Variants in CCDC178 observed in about 807,000 individuals in gnomAD.
The protein encoded by CCDC178 is coiled-coil domain containing 178.
Under a neutral mutation model 117.4 loss-of-function variants are expected in CCDC178, and 126 were observed. The ratio of observed to expected loss-of-function variants is 1.07; its 90% CI spans 0.93 to 1.24. CCDC178 has a LOEUF of 1.24. CCDC178 is among the 50% of genes most tolerant of loss of function. The pLI is 0.00. For missense variants in CCDC178, 1,030 were observed against 986.9 expected (o/e 1.04, Z -0.59); for synonymous variants, 283 against 313.4 (o/e 0.90, Z 1.02).
rs1344160597 is a variant in CCDC178 at position 33,329,873 on chromosome 18, T to TAG, written c.879+3299_879+3300dup. On this transcript the variant is annotated intron_variant, in intron 10 of 22. Transcript: ENST00000383096. The stretch of plus-strand genomic sequence containing the variant: ...AAGAGTTTGAGAGTTGGAGAATTAT[T>TAG]AGAGTGTGTGTGTGTGTGTGTGTGT... Among the ~76,000 whole-genome samples, 7 of 84,506 alleles carry TAG rather than the reference T, an allele frequency of 8.3e-5. No homozygotes were observed. The Admixed American group carries it at 8.7e-4, about 11-fold the overall frequency. The allele number at this position is 84,506 out of a possible 152,430, so 55.4% of individuals were successfully genotyped here. A position where few individuals can be genotyped will look rare whatever the true frequency, so the allele number is the denominator to read the frequency against.
At chr18:33,102,193 C>T (rs539246841) in intron 20 of CCDC178, among the ~76,000 whole-genome samples, 2 of 151,748 alleles carry the variant, frequency 1.3e-5, no homozygotes, top group Admixed American at 6.6e-5. Context: ...ATAGGGGCAA[C>T]GGAAGTCAAT....
At chr18:33,258,840 A>G (rs1220687153) in intron 14 of CCDC178, among the ~76,000 whole-genome samples, 1 of 152,200 alleles carries the variant, frequency 6.6e-6, no homozygotes, top group Non-Finnish European at 1.5e-5. Flanking sequence ...ATAAAGATAT[A>G]TGAAGCTATT....
At chr18:32,984,572 G>A (rs1360232278) in intron 21 of CCDC178, among the ~76,000 whole-genome samples, 1 of 149,182 alleles carries the variant, frequency 6.7e-6, no homozygotes, top group East Asian at 1.9e-4. Context: ...TTTTGCTTAA[G>A]TTGCTAAAAT....
At chr18:33,052,797 T>G (rs746071738) in intron 21 of CCDC178, among the ~76,000 whole-genome samples, 3 of 152,062 alleles carry the variant, frequency 2.0e-5, no homozygotes, top group Non-Finnish European at 2.9e-5. Flanking sequence ...TTTAAAAAAA[T>G]TTTTTTTAAC....
intron 20 of CCDC178, among the ~76,000 whole-genome samples, chr18:33,157,877 G>T (rs572093342): frequency 2.6e-4 from 40 of 152,212 alleles, no homozygotes; most frequent in African/African-American, 9.4e-4. Context: ...GCTAACACTT[G>T]TCATGCATCT....
intron 15 of CCDC178, among the ~76,000 whole-genome samples, chr18:33,233,165 T>A (rs2059387157): frequency 6.6e-6 from 1 of 152,266 alleles, no homozygotes; most frequent in South Asian, 2.1e-4. Flanking sequence ...TGCATCTCTG[T>A]TGGCTTTGTT....
intron 20 of CCDC178, among the ~76,000 whole-genome samples, chr18:33,097,860 T>C (rs1328887419): frequency 2.0e-5 from 3 of 152,112 alleles, no homozygotes; most frequent in East Asian, 1.9e-4. Flanking sequence ...TAATTATACA[T>C]AAATATGGGC....
chr18:33,324,985 G>T (rs2062565156), intron 10 of CCDC178, among the ~76,000 whole-genome samples: 1 of 151,292 alleles, frequency 6.6e-6, no homozygotes, highest in South Asian at 2.1e-4. Flanking sequence ...TCTTCTATTT[G>T]GTGTTTTAAT....
At chr18:33,147,185 A>G (rs532838809) in intron 20 of CCDC178, among the ~76,000 whole-genome samples, 1 of 86,834 alleles carries the variant, frequency 1.2e-5, no homozygotes, top group Non-Finnish European at 2.2e-5. Context: ...TTTATTTCTT[A>G]CAGTTCTGGA....
intron 19 of CCDC178, among the ~76,000 whole-genome samples, chr18:33,214,767 T>C (rs930544721): frequency 3.9e-5 from 6 of 152,010 alleles, no homozygotes; most frequent in African/African-American, 1.4e-4. Context: ...GATGGGGGCA[T>C]TGACTTGACT....
At position 33,325,428 on chromosome 18, in the gene CCDC178, G is replaced by A. The variant is rs2062571327; in HGVS notation, c.880-1795C>T. Among the ~76,000 whole-genome samples, 6 of 151,922 alleles carry A rather than the reference G, an allele frequency of 3.9e-5. No homozygotes were observed. The South Asian group carries it at 8.3e-4, about 21-fold the overall frequency. On this transcript the variant is annotated intron_variant, in intron 10 of 22. Coordinates refer to ENST00000383096, the MANE Select transcript of CCDC178 (RefSeq NM_001105528.4). ...AAGAATTCTTTGGCAAATAATTTAA[G>A]TAATTTTTCAAATATGTATTTATTG... is the stretch of plus-strand genomic sequence containing the variant.
chr18:33,169,132 G>T (rs1854671710), intron 20 of CCDC178, among the ~76,000 whole-genome samples: 1 of 152,156 alleles, frequency 6.6e-6, no homozygotes, highest in African/African-American at 2.4e-5. Flanking sequence ...GTAAGTTACG[G>T]AAATTTGCAA....
chr18:33,156,896 C>T (rs1293208270), intron 20 of CCDC178, among the ~76,000 whole-genome samples: 1 of 152,134 alleles, frequency 6.6e-6, no homozygotes, highest in Non-Finnish European at 1.5e-5. Context: ...AAAAATTAGC[C>T]TTGGCTCATA....
chr18:33,018,239 A>G (rs2056035711), intron 21 of CCDC178, among the ~76,000 whole-genome samples: 1 of 152,092 alleles, frequency 6.6e-6, no homozygotes, highest in Non-Finnish European at 1.5e-5. Flanking sequence ...ACCACTTCAT[A>G]CTCACTGGAA....
intron 15 of CCDC178, among the ~76,000 whole-genome samples, chr18:33,229,301 GCTAC>G (rs560044733): frequency 9.6e-4 from 146 of 152,266 alleles, no homozygotes; most frequent in African/African-American, 3.3e-3. Context: ...TTAAATGTGA[GCTAC>G]CCCAGGAACA....
At chr18:33,100,100 A>T (rs560167949) in intron 20 of CCDC178, among the ~76,000 whole-genome samples, 1 of 152,030 alleles carries the variant, frequency 6.6e-6, no homozygotes, top group East Asian at 2.0e-4. Flanking sequence ...AGCCTGTGAC[A>T]CGCAGCTGAC....
At chr18:33,399,190 AC>A (rs1265217325) in intron 3 of CCDC178, among the ~76,000 whole-genome samples, 2 of 150,850 alleles carry the variant, frequency 1.3e-5, no homozygotes, top group African/African-American at 5.0e-5. Context: ...ACAGAGCAAG[AC>A]TGTCTTAAAA....
chr18:33,333,419 A>C, intron 9 of CCDC178, 25 bp from the exon 10 acceptor site: 1 of 1,196,286 alleles, frequency 8.4e-7, no homozygotes, highest in Non-Finnish European at 1.2e-6. Context: ...ATAAGAACAA[A>C]AGAAAATCTG....
At chr18:33,264,574 C>A (rs1013892999) in intron 14 of CCDC178, among the ~76,000 whole-genome samples, 1 of 152,018 alleles carries the variant, frequency 6.6e-6, no homozygotes, top group Non-Finnish European at 1.5e-5. Flanking sequence ...TCTCAGGGTG[C>A]TTTCTGGGTA....
Sources: allele counts gnomAD v4.1 joint callset (sites outside exome capture counted in the v4.1 genomes callset), GRCh38; gene constraint gnomAD v4.1.1; transcripts MANE v1.5; gene names NCBI Gene and HGNC (gene_info 2026-07-23, HGNC 2026-07-21).